Variants in NRG3 observed in about 807,000 individuals in gnomAD.
The protein encoded by NRG3 is pro-neuregulin-3, membrane-bound isoform.
A neutral mutation model predicts 66.9 loss-of-function variants in NRG3; 31 were observed. The observed-to-expected ratio is 0.46, with a 90% CI of 0.35 to 0.63. The LOEUF (loss-of-function observed/expected upper bound fraction) is 0.63, where lower values mean the gene tolerates loss of function less well. NRG3 is among the 20% of genes least tolerant of loss of function. The pLI is 0.00. For missense variants in NRG3, 910 were observed against 878.9 expected (o/e 1.04, Z -0.45); for synonymous variants, 393 against 359.4 (o/e 1.09, Z -1.06).
At chr10:82,857,121 T>C (rs498979) in intron 3 of NRG3, among the ~76,000 whole-genome samples, 39,139 of 152,088 alleles carry the variant, frequency 0.26, 5,250 homozygotes, top group Non-Finnish European at 0.31. Flanking sequence ...AAGCAAATGA[T>C]CTCTCCTTAA....
intron 3 of NRG3, among the ~76,000 whole-genome samples, chr10:82,782,208 G>A (rs955152625): frequency 6.6e-6 from 1 of 152,078 alleles, no homozygotes; most frequent in Non-Finnish European, 1.5e-5. Flanking sequence ...AAGTCATGAG[G>A]GCTCTGCCCT....
intron 1 of NRG3, among the ~76,000 whole-genome samples, chr10:82,241,728 G>A (rs913238609): frequency 1.3e-5 from 2 of 152,158 alleles, no homozygotes; most frequent in African/African-American, 2.4e-5. Flanking sequence ...AGTAATGGAG[G>A]TTAAATTCCC....
At chr10:82,563,971 T>G (rs1399908359) in intron 2 of NRG3, among the ~76,000 whole-genome samples, 1 of 152,120 alleles carries the variant, frequency 6.6e-6, no homozygotes, top group Non-Finnish European at 1.5e-5. Context: ...TATTAAGCAT[T>G]TTTACAAATG....
intron 2 of NRG3, among the ~76,000 whole-genome samples, chr10:82,509,691 T>C (rs1346876242): frequency 6.6e-6 from 1 of 152,212 alleles, no homozygotes; most frequent in Non-Finnish European, 1.5e-5. Context: ...GGTTCTTCCA[T>C]TTTTGTCACT....
At chr10:82,023,488 T>C (rs2062156010) in intron 1 of NRG3, among the ~76,000 whole-genome samples, 1 of 152,084 alleles carries the variant, frequency 6.6e-6, no homozygotes, top group Non-Finnish European at 1.5e-5. Context: ...ATGTTAACTA[T>C]GGGATTTTTA....
At chr10:82,383,024 G>A (rs932514983) in intron 2 of NRG3, among the ~76,000 whole-genome samples, 3 of 151,868 alleles carry the variant, frequency 2.0e-5, no homozygotes, top group Non-Finnish European at 1.5e-5. Context: ...TTAGATATCA[G>A]TTGGCTTTTA....
At chr10:82,274,543 T>C (rs957841211) in intron 1 of NRG3, among the ~76,000 whole-genome samples, 2 of 151,986 alleles carry the variant, frequency 1.3e-5, no homozygotes, top group Non-Finnish European at 2.9e-5. Context: ...ATAATATGAA[T>C]ATGATGAGAA....
intron 1 of NRG3, among the ~76,000 whole-genome samples, chr10:82,097,398 T>A (rs1193111123): frequency 2.2e-5 from 2 of 89,828 alleles, no homozygotes; most frequent in African/African-American, 4.3e-5. Flanking sequence ...ACACACACAC[T>A]CCCAGATACA....
intron 3 of NRG3, among the ~76,000 whole-genome samples, chr10:82,775,924 A>G (rs559243654): frequency 1.3e-5 from 2 of 152,246 alleles, no homozygotes; most frequent in African/African-American, 4.8e-5. Flanking sequence ...AATTGTGACC[A>G]TTTTGACTTT....
chr10:82,793,252 T>A (rs908702558), intron 3 of NRG3, among the ~76,000 whole-genome samples: 6 of 152,114 alleles, frequency 3.9e-5, no homozygotes, highest in African/African-American at 1.4e-4. Context: ...CATTTTTGAG[T>A]GGGAGTTTGT....
intron 3 of NRG3, among the ~76,000 whole-genome samples, chr10:82,812,531 A>G (rs992203545): frequency 1.3e-5 from 2 of 150,736 alleles, no homozygotes; most frequent in Non-Finnish European, 2.9e-5. Context: ...TGACATAATT[A>G]TAGTAAAATG....
At chr10:82,775,546 G>A (rs2059881146) in intron 3 of NRG3, among the ~76,000 whole-genome samples, 1 of 151,996 alleles carries the variant, frequency 6.6e-6, no homozygotes, top group African/African-American at 2.4e-5. Context: ...TCTGGGGAAT[G>A]TTCCATGTGC....
At chr10:82,607,334 T>C (rs73313561) in intron 2 of NRG3, among the ~76,000 whole-genome samples, 2,504 of 134,930 alleles carry the variant, frequency 0.019, 59 homozygotes, top group African/African-American at 0.061. Context: ...CATTATGTAA[T>C]GCTCCTCTTT....
chr10:82,091,310 TCTC>T (rs2066015231), intron 1 of NRG3, among the ~76,000 whole-genome samples: 1 of 152,052 alleles, frequency 6.6e-6, no homozygotes, highest in South Asian at 2.1e-4. Context: ...AAGAATAACT[TCTC>T]CTTCTCCTCC....
intron 3 of NRG3, among the ~76,000 whole-genome samples, chr10:82,761,960 C>CTTTCTT (rs2059337440): frequency 8.6e-6 from 1 of 116,536 alleles, no homozygotes; most frequent in Non-Finnish European, 1.9e-5. Flanking sequence ...TTCTTTCTTT[C>CTTTCTT]TTTCTTTCTT....
At chr10:82,054,045 A>G (rs1454009345) in intron 1 of NRG3, among the ~76,000 whole-genome samples, 1 of 152,160 alleles carries the variant, frequency 6.6e-6, no homozygotes, top group African/African-American at 2.4e-5. Flanking sequence ...GAGGTCGGAG[A>G]AGTAATAGGG....
chr10:82,150,530 C>CAAA (rs1188955647), intron 1 of NRG3, among the ~76,000 whole-genome samples: 12 of 26,686 alleles, frequency 4.5e-4, no homozygotes, highest in African/African-American at 7.5e-4. Flanking sequence ...AGAGCACACA[C>CAAA]AAAAAAAAAA....
chr10:82,360,742 A>G (rs974491931), intron 2 of NRG3, among the ~76,000 whole-genome samples: 22 of 152,180 alleles, frequency 1.4e-4, no homozygotes, highest in African/African-American at 5.1e-4. Flanking sequence ...TCAAGGTGTC[A>G]GCAGAGTTGA....
In NRG3 at chr10:82,914,602, G is replaced by A. The variant is rs1007049028; in HGVS notation, c.1055-36867G>A. ...TAAATTCTGAAACATGTGGTTTTTT[G>A]TTTCTATTCTCCTGTTATTGTGTAG... is the stretch of plus-strand genomic sequence containing the variant. On this transcript the variant is annotated intron_variant, in intron 4 of 8. Transcript: ENST00000372141. Among the ~76,000 whole-genome samples, 7 of 152,052 alleles carry A rather than the reference G, an allele frequency of 4.6e-5. No homozygotes were observed. The South Asian group carries it at 1.0e-3, about 23-fold the overall frequency.
Sources: allele counts gnomAD v4.1 joint callset (sites outside exome capture counted in the v4.1 genomes callset), GRCh38; gene constraint gnomAD v4.1.1; transcripts MANE v1.5; gene names NCBI Gene and HGNC (gene_info 2026-07-23, HGNC 2026-07-21).